Variants in TRIP11 observed in about 807,000 individuals in gnomAD.
TRIP11 encodes thyroid receptor-interacting protein 11.
TRIP11 carries 148 observed loss-of-function variants against 223.1 expected under a neutral mutation model. That is an observed-to-expected ratio of 0.66 (90% CI 0.58 to 0.76). TRIP11 has a LOEUF of 0.76. Ranked by LOEUF, TRIP11 falls within the 30% of genes least tolerant of loss-of-function variation. The probability of loss-of-function intolerance (pLI) is 0.00; values close to 1 mark genes in which losing one functional copy is unlikely to be tolerated. For synonymous variants in TRIP11, 762 were observed against 772.6 expected (o/e 0.99, Z 0.23); for missense variants, 2,043 against 2,222.0 (o/e 0.92, Z 1.62).
intron 16 of TRIP11, among the ~76,000 whole-genome samples, chr14:91,987,045 A>T (rs960537029): frequency 6.6e-6 from 1 of 152,224 alleles, no homozygotes; most frequent in Non-Finnish European, 1.5e-5. Flanking sequence ...AATCTATAAA[A>T]TGGATAATAC....
chr14:92,021,487 T>A, intron 4 of TRIP11, 69 bp downstream of exon 4: 1 of 1,514,780 alleles, frequency 6.6e-7, no homozygotes, highest in Non-Finnish European at 9.1e-7. Context: ...AAGCTCTACA[T>A]ACAGTTTTTT....
intron 1 of TRIP11, among the ~76,000 whole-genome samples, chr14:92,038,029 T>C (rs972414517): frequency 1.8e-4 from 27 of 152,178 alleles, no homozygotes; most frequent in African/African-American, 6.5e-4. Context: ...TGGGAAAGAT[T>C]ATAGGGATCT....
At chr14:91,983,228 C>A (rs1420060104) in intron 16 of TRIP11, among the ~76,000 whole-genome samples, 1 of 152,224 alleles carries the variant, frequency 6.6e-6, no homozygotes, top group Non-Finnish European at 1.5e-5. Context: ...TGACTGTAAA[C>A]CTCCTGAAGG....
chr14:92,021,629 T>G lies in TRIP11; in HGVS notation c.515A>C (p.Gln172Pro). Reference sequence around the variant, plus strand: ...TTCATTTGAGAGTCGGTTTATTTCTTGTTGGGATGAAATTATATCACCAAA... The same window carrying G: ...TTCATTTGAGAGTCGGTTTATTTCTGGTTGGGATGAAATTATATCACCAAA... ...MDFGDIISSQ[Q>P]EINRLSNEVS... is the part of the protein sequence containing the mutation. Residue 172 changes from glutamine (Q) to proline (P), a missense_variant, in exon 4 of 21, where the codon CAA becomes CCA. Coordinates refer to ENST00000267622, the MANE Select transcript of TRIP11 (RefSeq NM_004239.4). 1 of 1,614,194 alleles carries G rather than the reference T, an allele frequency of 6.2e-7. No individual in the cohort carries two copies. Among genetic ancestry groups the G allele is most frequent in the East Asian group, 2.2e-5 (1 of 44,880 alleles).
rs1025320497 is a variant in TRIP11 at position 92,021,818 on chromosome 14, T to C, written c.326A>G (p.His109Arg). Residue 109 changes from histidine to arginine, a missense_variant, in exon 4 of 21, where the codon CAT becomes CGT. By Grantham distance (29) the His-to-Arg change is conservative (BLOSUM62 0). Coordinates refer to ENST00000267622, the MANE Select transcript of TRIP11 (RefSeq NM_004239.4). ...GAGTGCAATCTGTCTGGCTTTAAGA[T>C]GGCTGATTTCTACCTATATATTTAT... Reference protein sequence around the residue: ...QLQQKEVEISHLKARQIALQD... With the variant: ...QLQQKEVEISRLKARQIALQD... 3.1e-6 allele frequency: 5 copies of C among 1,613,842 alleles called. No homozygotes were observed. Among genetic ancestry groups the C allele is most frequent in the South Asian group, 1.1e-5 (1 of 91,094 alleles).
At chr14:92,025,523 T>C (rs979145076) in intron 2 of TRIP11, 103 bp from the exon 3 acceptor site, 1 of 768,270 alleles carries the variant, frequency 1.3e-6, no homozygotes, top group Non-Finnish European at 2.1e-6. Flanking sequence ...CCCCCAAAAA[T>C]GTCAAATATA....
chr14:92,026,280 TGAAC>T (rs2057185586), intron 2 of TRIP11, among the ~76,000 whole-genome samples: 1 of 152,172 alleles, frequency 6.6e-6, no homozygotes, highest in Non-Finnish European at 1.5e-5. Flanking sequence ...CCTAATTCAA[TGAAC>T]CTAGACATTA....
Position 92,000,056 on chromosome 14 carries a change from T to C in TRIP11, c.4610A>G (p.Glu1537Gly). 13 of 1,614,042 alleles carry C rather than the reference T, an allele frequency of 8.1e-6. No homozygotes were observed. Among genetic ancestry groups the C allele is most frequent in the Non-Finnish European group, 1.1e-5 (13 of 1,179,984 alleles). The change falls in exon 12 of 21, where the codon GAG becomes GGG. Residue 1537 changes from glutamate (E) to glycine (G), a missense_variant. By Grantham distance (98) the Glu-to-Gly change is moderately conservative (BLOSUM62 -2). Coordinates refer to ENST00000267622, the MANE Select transcript of TRIP11 (RefSeq NM_004239.4). The stretch of plus-strand genomic sequence containing the variant: ...CTCCTGTTGAAACACAACTGTCTTC[T>C]CCTGCATTGATTTAACTGCATTTAA... ...QLLNAVKSMQ[E>G]KTVVFQQERD...
intron 1 of TRIP11, among the ~76,000 whole-genome samples, chr14:92,038,942 T>C (rs1287219994): frequency 6.6e-6 from 1 of 152,208 alleles, no homozygotes; most frequent in Non-Finnish European, 1.5e-5. Flanking sequence ...AATAGGGTTG[T>C]CTTCCCTATT....
chr14:92,028,360 G>A (rs1366673627), intron 2 of TRIP11, among the ~76,000 whole-genome samples: 2 of 152,068 alleles, frequency 1.3e-5, no homozygotes, highest in African/African-American at 4.8e-5. Flanking sequence ...AGGAGTTCAA[G>A]ACCAGCCTGG....
intron 13 of TRIP11, among the ~76,000 whole-genome samples, chr14:91,998,708 GAA>G (rs2056782222): frequency 6.7e-6 from 1 of 149,210 alleles, no homozygotes; most frequent in Non-Finnish European, 1.5e-5. Flanking sequence ...AAAAAAACAA[GAA>G]AAAAGTTTTC....
rs2056964739 is a variant in TRIP11, at chr14:92,010,982, C to T, written c.1314+4G>A. On this transcript the variant is annotated splice_donor_region_variant and intron_variant, in intron 9 of 20. Transcript: ENST00000267622. Reference sequence around the variant, plus strand: ...AATTCTGCCCCCATTTTTACAGCACCCACCTTTTCTTGACTCAGTAATGAC... The same window carrying T: ...AATTCTGCCCCCATTTTTACAGCACTCACCTTTTCTTGACTCAGTAATGAC... The T allele has an allele frequency of 6.2e-7, 1 of 1,613,714 alleles. No homozygotes were observed. The highest frequency in any genetic ancestry group is 8.5e-7 in the Non-Finnish European group (1 of 1,179,842).
intron 4 of TRIP11, among the ~76,000 whole-genome samples, chr14:92,020,275 C>T (rs1327445410): frequency 6.6e-6 from 1 of 150,858 alleles, no homozygotes; most frequent in Non-Finnish European, 1.5e-5. Context: ...AAAGAAAGAA[C>T]AAGAAAAGAT....
At chr14:91,988,699 A>C (rs563753807) in intron 15 of TRIP11, among the ~76,000 whole-genome samples, 3 of 152,030 alleles carry the variant, frequency 2.0e-5, no homozygotes, top group Non-Finnish European at 4.4e-5. Context: ...GAAGTCCAGA[A>C]ATATAGCAAC....
At position 92,035,584 on chromosome 14, in the gene TRIP11, TA is replaced by T. The variant is rs770662497; in HGVS notation, c.140-2332del. Among the ~76,000 whole-genome samples the T allele has an allele frequency of 5.9e-4, 81 of 137,962 alleles. 2 individuals are homozygous for T. The highest frequency in any genetic ancestry group is 1.8e-3 in the East Asian group (8 of 4,328). The allele number at this position is 137,962 out of a possible 152,430, so 90.5% of individuals were successfully genotyped here. ...CTCATTTTTTATTTATTTATTTATT[TA>T]TTTTTTTTTTGAGACAGAGTCTCGC... On this transcript the variant is annotated intron_variant, in intron 1 of 20. Coordinates refer to ENST00000267622, the MANE Select transcript of TRIP11 (RefSeq NM_004239.4).
chr14:91,989,419 T>C (rs994639117), intron 15 of TRIP11, among the ~76,000 whole-genome samples: 3 of 151,810 alleles, frequency 2.0e-5, no homozygotes, highest in Admixed American at 2.0e-4. Context: ...TTAGTTTAGG[T>C]TTTAGTTTCA....
chr14:92,031,744 GTCTT>G (rs1027109374), intron 2 of TRIP11, among the ~76,000 whole-genome samples: 15 of 152,188 alleles, frequency 9.9e-5, no homozygotes, highest in African/African-American at 3.4e-4. Context: ...CTTATTTTGA[GTCTT>G]TATGCTTTCA....
At chr14:92,035,591 T>C (rs2057316819) in intron 1 of TRIP11, among the ~76,000 whole-genome samples, 1 of 150,014 alleles carries the variant, frequency 6.7e-6, no homozygotes. Flanking sequence ...ATTTATTTTT[T>C]TTTTGAGACA....
chr14:91,974,517 TA>T, intron 19 of TRIP11, 109 bp downstream of exon 19: 2 of 911,960 alleles, frequency 2.2e-6, no homozygotes, highest in African/African-American at 1.7e-5. Context: ...AACTTCAAAA[TA>T]AAAGGGTTGT....
Sources: gnomAD v4.1 joint callset for allele counts (sites outside exome capture counted in the v4.1 genomes callset) on GRCh38, gnomAD v4.1.1 for gene constraint, MANE v1.5 for transcripts, NCBI Gene and HGNC (gene_info 2026-07-23, HGNC 2026-07-21) for gene names.